FAM216A: variants seen among roughly 807,000 people sequenced by gnomAD.
The protein encoded by FAM216A is family with sequence similarity 216 member A.
A neutral mutation model predicts 37.6 loss-of-function variants in FAM216A; 26 were observed. The observed-to-expected ratio is 0.69, with a 90% CI of 0.51 to 0.96. FAM216A has a LOEUF of 0.96. Ranked by LOEUF, FAM216A falls within the 40% of genes least tolerant of loss-of-function variation. The probability of loss-of-function intolerance (pLI) is 0.00; values close to 1 mark genes in which losing one functional copy is unlikely to be tolerated. For missense variants in FAM216A, 326 were observed against 339.3 expected, an observed-to-expected ratio of 0.96 and a Z score of 0.31; for synonymous variants, 110 against 121.7, an observed-to-expected ratio of 0.90 and a Z score of 0.64.
chr12:110,486,575 T>C lies in FAM216A; in HGVS notation c.478T>C (p.Ser160Pro). ...CAGAAGCCGCCTTAGCTCCCGTTAC[T>C]CACAGAAACAGCATTACCCTTGCAC... ...HHRSRLSSRY[S>P]QKQHYPCTTW... Residue 160 changes from serine (S) to proline (P), a missense_variant, in exon 5 of 7, where the codon TCA becomes CCA. Transcript: ENST00000377673. The C allele has an allele frequency of 6.2e-7, 1 of 1,614,016 alleles. No individual in the cohort carries two copies. The highest frequency in any genetic ancestry group is 8.5e-7 in the Non-Finnish European group (1 of 1,179,958).
chr12:110,483,298 T>G (rs2062758781), intron 2 of FAM216A, among the ~76,000 whole-genome samples: 1 of 143,406 alleles, frequency 7.0e-6, no homozygotes, highest in African/African-American at 2.8e-5. Context: ...GCCACTGCAC[T>G]CCAGCCTGGG....
At chr12:110,472,816 G>A (rs965371373) in intron 1 of FAM216A, among the ~76,000 whole-genome samples, 1 of 151,090 alleles carries the variant, frequency 6.6e-6, no homozygotes, top group African/African-American at 2.4e-5. Flanking sequence ...GAAACCGTCT[G>A]TACTAAAAAT....
Position 110,469,024 on chromosome 12 carries a change from G to A in FAM216A, c.143+6G>A, listed in dbSNP as rs1252521861. The A allele has an allele frequency of 4.1e-6, 6 of 1,462,612 alleles. 1 individual carries two copies. In the South Asian group the frequency reaches 8.0e-5, roughly 19 times the overall value. The allele number at this position is 1,462,612 out of a possible 1,614,324, so 90.6% of individuals were successfully genotyped here. Reference sequence around the variant, plus strand: ...ACCGAGGGTGGCGGCGGCGGGTGAGGTTGGGGGCCCCGGGGTAAGGGTGGC... The same window carrying A: ...ACCGAGGGTGGCGGCGGCGGGTGAGATTGGGGGCCCCGGGGTAAGGGTGGC... On this transcript the variant is annotated splice_donor_region_variant and intron_variant, in intron 1 of 6. Transcript: ENST00000377673.
At chr12:110,486,892 G>T in intron 5 of FAM216A, 175 bp downstream of exon 5, 1 of 594,960 alleles carries the variant, frequency 1.7e-6, no homozygotes, top group Non-Finnish European at 2.9e-6. Context: ...AGTAGCTAGG[G>T]CTAAAGGCAC....
chr12:110,479,871 C>G (rs188866006), intron 2 of FAM216A, among the ~76,000 whole-genome samples: 1 of 150,478 alleles, frequency 6.6e-6, no homozygotes, highest in Non-Finnish European at 1.5e-5. Flanking sequence ...AACAAAACAA[C>G]AAAAAAAAGC....
At chr12:110,478,573 C>T (rs1396724231) in intron 2 of FAM216A, among the ~76,000 whole-genome samples, 1 of 152,132 alleles carries the variant, frequency 6.6e-6, no homozygotes, top group African/African-American at 2.4e-5. Context: ...AAGGAGAGAT[C>T]TTAACACCCC....
chr12:110,470,161 C>A (rs1329606307), intron 1 of FAM216A, among the ~76,000 whole-genome samples: 1 of 150,784 alleles, frequency 6.6e-6, no homozygotes, highest in Non-Finnish European at 1.5e-5. Flanking sequence ...TGCAGTGGTG[C>A]CATCTCAGCT....
At chr12:110,469,757 G>A (rs2062670354) in intron 1 of FAM216A, among the ~76,000 whole-genome samples, 1 of 152,030 alleles carries the variant, frequency 6.6e-6, no homozygotes, top group African/African-American at 2.4e-5. Context: ...TGAGCCGCCC[G>A]CCTCGGCCTC....
upstream of FAM216A, chr12:110,468,565 C>A (rs989525377): frequency 2.0e-6 from 3 of 1,537,148 alleles, no homozygotes; most frequent in Non-Finnish European, 2.6e-6. Flanking sequence ...TGTATGGTGA[C>A]CCTCGCGATT....
At chr12:110,471,718 G>T (rs1681649691) in intron 1 of FAM216A, among the ~76,000 whole-genome samples, 1 of 152,166 alleles carries the variant, frequency 6.6e-6, no homozygotes, top group South Asian at 2.1e-4. Context: ...AAACGATATG[G>T]TGGCTTGGAA....
chr12:110,479,567 A>G (rs11065651), intron 2 of FAM216A, among the ~76,000 whole-genome samples: 28,616 of 151,336 alleles, frequency 0.19, 3,718 homozygotes, highest in African/African-American at 0.37. Flanking sequence ...GGCTGGGCGC[A>G]GTGGCTCACG....
At chr12:110,478,264 A>G (rs982803643) in intron 2 of FAM216A, among the ~76,000 whole-genome samples, 3 of 152,090 alleles carry the variant, frequency 2.0e-5, no homozygotes, top group Non-Finnish European at 4.4e-5. Context: ...ATCCTTTGAA[A>G]ACTTTTATCT....
At chr12:110,484,854 G>A (rs1375594215) in intron 2 of FAM216A, among the ~76,000 whole-genome samples, 1 of 151,408 alleles carries the variant, frequency 6.6e-6, no homozygotes, top group Non-Finnish European at 1.5e-5. Flanking sequence ...CCGGGTTCAC[G>A]CCATTCTCCT....
chr12:110,473,364 A>G (rs2062697403), intron 2 of FAM216A, among the ~76,000 whole-genome samples: 1 of 152,024 alleles, frequency 6.6e-6, no homozygotes, highest in Non-Finnish European at 1.5e-5. Flanking sequence ...GATGCGTGCC[A>G]CCATGCCTGG....
chr12:110,470,084 A>G (rs1592973113), intron 1 of FAM216A, among the ~76,000 whole-genome samples: 2 of 148,502 alleles, frequency 1.3e-5, no homozygotes, highest in South Asian at 4.2e-4. Context: ...CCCCTGTTGC[A>G]CCCATGGCCA....
At chr12:110,472,466 T>C (rs1175413540) in intron 1 of FAM216A, among the ~76,000 whole-genome samples, 1 of 151,814 alleles carries the variant, frequency 6.6e-6, no homozygotes, top group Non-Finnish European at 1.5e-5. Context: ...ACTTGGTGGC[T>C]GAGGATCGTT....
At chr12:110,486,829 T>A in intron 5 of FAM216A, 112 bp downstream of exon 5, 7 of 947,768 alleles carry the variant, frequency 7.4e-6, no homozygotes, top group Non-Finnish European at 1.1e-5. Flanking sequence ...TGATACAGTT[T>A]ACTGTATTCT....
At chr12:110,472,228 C>G (rs766456855) in intron 1 of FAM216A, among the ~76,000 whole-genome samples, 3 of 148,902 alleles carry the variant, frequency 2.0e-5, no homozygotes, top group Admixed American at 6.7e-5. Context: ...AAGACTCTAC[C>G]TCAAAAAAGA....
At position 110,487,893 on chromosome 12, in the gene FAM216A, G is replaced by T. The variant is rs2062785833; in HGVS notation, c.653G>T (p.Cys218Phe). 6.2e-7 allele frequency: 1 copy of T among 1,607,202 alleles called. No homozygotes were observed. Among genetic ancestry groups the T allele is most frequent in the Non-Finnish European group, 8.5e-7 (1 of 1,175,444 alleles). Reference sequence around the variant, plus strand: ...ACTGGATATGCATCTAAAACAAGATGTAAGTCACTGAAGATTTTTAGAAGA... The same window carrying T: ...ACTGGATATGCATCTAAAACAAGATTTAAGTCACTGAAGATTTTTAGAAGA... ...IKTGYASKTR[C>F]KSLKIFRRPR... The change falls in exon 6 of 7, where the codon TGT (cysteine) becomes TTT (phenylalanine). Residue 218 changes from cysteine to phenylalanine, a missense_variant. By Grantham distance (205) the Cys-to-Phe change is radical. Transcript: ENST00000377673.
Sources: allele counts gnomAD v4.1 joint callset (sites outside exome capture counted in the v4.1 genomes callset), GRCh38; gene constraint gnomAD v4.1.1; transcripts MANE v1.5; gene names NCBI Gene and HGNC (gene_info 2026-07-23, HGNC 2026-07-21).